The following VPS54 variants were observed in gnomAD, a reference collection of about 807,000 sequenced individuals.
VPS54 encodes the protein VPS54 subunit of GARP complex.
In VPS54, 45 loss-of-function variants were observed where a neutral mutation model predicts 121.5. The observed-to-expected ratio is 0.37, with a 90% CI of 0.29 to 0.47. The LOEUF (loss-of-function observed/expected upper bound fraction) is 0.47, where lower values mean the gene tolerates loss of function less well. Ranked by LOEUF, VPS54 falls within the 20% of genes least tolerant of loss-of-function variation. The pLI is 0.99. For missense variants in VPS54, 1,090 were observed against 1,131.4 expected, an observed-to-expected ratio of 0.96 and a Z score of 0.52; for synonymous variants, 371 against 385.8, an observed-to-expected ratio of 0.96 and a Z score of 0.45.
At chr2:64,001,446 C>T (rs1274685142) in intron 1 of VPS54, among the ~76,000 whole-genome samples, 1 of 152,178 alleles carries the variant, frequency 6.6e-6, no homozygotes, top group Non-Finnish European at 1.5e-5. Context: ...GAGTCTCTCA[C>T]TGTAGCCACT....
At chr2:63,953,548 C>G (rs942454174) in intron 7 of VPS54, among the ~76,000 whole-genome samples, 1 of 152,074 alleles carries the variant, frequency 6.6e-6, no homozygotes, top group Non-Finnish European at 1.5e-5. Flanking sequence ...TTTCAAGAGT[C>G]AACATTTGCC....
Position 63,962,952 on chromosome 2 carries a change from T to C in VPS54, c.625-509A>G, listed in dbSNP as rs972047644. On this transcript the variant is annotated intron_variant, in intron 6 of 22. Transcript: ENST00000272322. ...TCTTGAAATATAGGTAGTATTATTA[T>C]CATTTTACAGATGAGGAAACACAGT... 1.8e-4 allele frequency among the ~76,000 whole-genome samples: 28 copies of C among 152,286 alleles called. 1 individual carries two copies. Among genetic ancestry groups the C allele is most frequent in the Admixed American group, 1.6e-3 (25 of 15,300 alleles).
intron 20 of VPS54, among the ~76,000 whole-genome samples, chr2:63,911,668 G>A (rs889678622): frequency 3.3e-5 from 5 of 152,090 alleles, no homozygotes; most frequent in Admixed American, 6.5e-5. Context: ...TGCCATTTCG[G>A]AATCTGAAGG....
rs1471252117 is a variant in VPS54 at position 63,920,632 on chromosome 2, ATTTT to A, written c.1870-9_1870-6del. 1 of 1,467,332 alleles carries A rather than the reference ATTTT, an allele frequency of 6.8e-7. No individual in the cohort carries two copies. Among genetic ancestry groups the A allele is most frequent in the Admixed American group, 2.3e-5 (1 of 42,612 alleles). 90.9% of individuals were successfully genotyped at this position (1,467,332 alleles called of 1,614,324 possible). ...TAGCTTCTCAAGAAAACCATCCTAAATTTTAATACAAAAATCATGAGAGTTAGTG... is the reference window on the plus strand; with the variant it reads ...TAGCTTCTCAAGAAAACCATCCTAAAAATACAAAAATCATGAGAGTTAGTG... On this transcript the variant is annotated splice_region_variant and splice_polypyrimidine_tract_variant and intron_variant, in intron 13 of 22. Transcript: ENST00000272322.
At chr2:63,931,076 A>G (rs1427179546) in intron 12 of VPS54, among the ~76,000 whole-genome samples, 1 of 152,230 alleles carries the variant, frequency 6.6e-6, no homozygotes, top group Non-Finnish European at 1.5e-5. Flanking sequence ...TATTGTGAAA[A>G]TGGCCTTACT....
chr2:63,900,220 C>CAAAAAAA (rs70965149), intron 20 of VPS54, among the ~76,000 whole-genome samples: 15 of 63,366 alleles, frequency 2.4e-4, no homozygotes, highest in African/African-American at 2.7e-4. Context: ...AACTCTGTCT[C>CAAAAAAA]AAAAAAAAAA....
intron 22 of VPS54, among the ~76,000 whole-genome samples, chr2:63,896,735 T>G (rs1187860321): frequency 1.3e-5 from 2 of 152,192 alleles, no homozygotes; most frequent in Admixed American, 6.5e-5. Flanking sequence ...AAATAAAATT[T>G]TATTCCTAAA....
At chr2:63,978,538 T>C (rs900834312) in intron 3 of VPS54, among the ~76,000 whole-genome samples, 2 of 152,212 alleles carry the variant, frequency 1.3e-5, no homozygotes, top group Non-Finnish European at 2.9e-5. Context: ...AGTGAAGCCA[T>C]GTGGATCTGA....
chr2:63,976,829 T>C (rs1260982185), intron 3 of VPS54, among the ~76,000 whole-genome samples: 1 of 141,548 alleles, frequency 7.1e-6, no homozygotes, highest in African/African-American at 2.7e-5. Flanking sequence ...TCTTCTCTTT[T>C]TTTTTTTTTT....
At chr2:63,923,737 T>C (rs1421952557) in intron 12 of VPS54, among the ~76,000 whole-genome samples, 2 of 152,264 alleles carry the variant, frequency 1.3e-5, no homozygotes, top group Non-Finnish European at 2.9e-5. Context: ...TAGAAAAGTA[T>C]TTCCTATTCT....
chr2:63,934,415 T>A (rs973150755), intron 11 of VPS54, among the ~76,000 whole-genome samples: 1 of 152,132 alleles, frequency 6.6e-6, no homozygotes, highest in African/African-American at 2.4e-5. Flanking sequence ...CCTCTCTTTC[T>A]CCTTTTCTCG....
intron 7 of VPS54, among the ~76,000 whole-genome samples, chr2:63,961,818 T>C (rs187150294): frequency 1.3e-5 from 2 of 152,304 alleles, no homozygotes; most frequent in Admixed American, 1.3e-4. Flanking sequence ...TGCATTTATC[T>C]CATCTCCTAG....
At chr2:64,005,799 A>C (rs1678116892) in intron 1 of VPS54, among the ~76,000 whole-genome samples, 1 of 152,170 alleles carries the variant, frequency 6.6e-6, no homozygotes, top group Admixed American at 6.5e-5. Flanking sequence ...ATAAAGATGT[A>C]ATTTTTTCCC....
chr2:63,938,434 G>C (rs890035587), intron 11 of VPS54, among the ~76,000 whole-genome samples: 9 of 152,036 alleles, frequency 5.9e-5, no homozygotes, highest in Admixed American at 5.2e-4. Flanking sequence ...AGGATTAGAG[G>C]ACTGGGACTT....
chr2:63,899,381 A>C, intron 21 of VPS54, 93 bp downstream of exon 21: 1 of 1,011,470 alleles, frequency 9.9e-7, no homozygotes, highest in South Asian at 1.7e-5. Context: ...GAACATGAAC[A>C]GCTTAACTGC....
chr2:63,987,116 G>A (rs1040728511), intron 1 of VPS54, among the ~76,000 whole-genome samples: 12 of 152,080 alleles, frequency 7.9e-5, no homozygotes, highest in Admixed American at 7.9e-4. Flanking sequence ...CTGTGCTTGT[G>A]GGGTATTTAT....
intron 1 of VPS54, among the ~76,000 whole-genome samples, chr2:64,008,704 C>A (rs1360555745): frequency 6.6e-6 from 1 of 152,080 alleles, no homozygotes. Flanking sequence ...GCTGGGACTG[C>A]AGGCTCTGAA....
At chr2:63,955,893 T>C (rs1365396836) in intron 7 of VPS54, among the ~76,000 whole-genome samples, 2 of 152,152 alleles carry the variant, frequency 1.3e-5, no homozygotes, top group Non-Finnish European at 2.9e-5. Flanking sequence ...CACCTTGTTT[T>C]AAAAGTATGT....
At chr2:63,998,172 T>G (rs1488107049) in intron 1 of VPS54, among the ~76,000 whole-genome samples, 1 of 152,240 alleles carries the variant, frequency 6.6e-6, no homozygotes, top group African/African-American at 2.4e-5. Context: ...CTATGCTGAA[T>G]TGACCCCTTT....
Sources: allele counts gnomAD v4.1 joint callset (sites outside exome capture counted in the v4.1 genomes callset), GRCh38; gene constraint gnomAD v4.1.1; transcripts MANE v1.5; gene names NCBI Gene and HGNC (gene_info 2026-07-23, HGNC 2026-07-21).